Variants in DNAH8 observed in about 807,000 individuals in gnomAD.
DNAH8 encodes the protein axonemal beta dynein heavy chain 8.
A neutral mutation model predicts 562.1 loss-of-function variants in DNAH8; 382 were observed. The ratio of observed to expected loss-of-function variants is 0.68; its 90% CI spans 0.63 to 0.74. DNAH8 has a LOEUF of 0.74. Among genes scored for constraint, DNAH8 ranks in the 30% least tolerant of loss-of-function variants. The pLI is 0.00. For missense variants in DNAH8, 5,203 were observed against 5,620.4 expected (o/e 0.93, Z 2.37); for synonymous variants, 1,881 against 1,919.4 (o/e 0.98, Z 0.52).
At chr6:38,935,755 A>T in intron 77 of DNAH8, 58 bp downstream of exon 77, 2 of 1,274,256 alleles carry the variant, frequency 1.6e-6, no homozygotes, top group Non-Finnish European at 2.2e-6. Context: ...TTTCATTTAC[A>T]CTCTTTTCAA....
At chr6:38,835,300 AC>A (rs1352145518) in intron 32 of DNAH8, among the ~76,000 whole-genome samples, 1 of 135,998 alleles carries the variant, frequency 7.4e-6, no homozygotes, top group African/African-American at 2.8e-5. Context: ...CCCCTTTCCC[AC>A]CTGCATTCTT....
intron 31 of DNAH8, 125 bp downstream of exon 31, chr6:38,832,560 T>A: frequency 1.7e-6 from 1 of 583,964 alleles, no homozygotes; most frequent in Non-Finnish European, 3.0e-6. Context: ...TATTTGCAGC[T>A]ATCAGAAAAA....
intron 85 of DNAH8, among the ~76,000 whole-genome samples, chr6:38,980,881 G>C (rs1022230442): frequency 4.6e-5 from 7 of 151,992 alleles, no homozygotes; most frequent in African/African-American, 1.7e-4. Flanking sequence ...TCAAACCTTT[G>C]AATTTTCTGA....
intron 4 of DNAH8, 62 bp downstream of exon 4, chr6:38,730,048 T>A: frequency 1.3e-6 from 1 of 761,910 alleles, no homozygotes; most frequent in Non-Finnish European, 2.2e-6. Flanking sequence ...GTGCAGCATA[T>A]TTTTTCTCTT....
At chr6:38,750,712 C>G in intron 9 of DNAH8, 123 bp downstream of exon 9, 1 of 496,704 alleles carries the variant, frequency 2.0e-6, no homozygotes, top group East Asian at 3.3e-5. Flanking sequence ...CTGCAGTGAG[C>G]TATGGTTGTG....
At chr6:39,011,160 A>T (rs1273199586) in intron 89 of DNAH8, among the ~76,000 whole-genome samples, 1 of 121,000 alleles carries the variant, frequency 8.3e-6, no homozygotes, top group Non-Finnish European at 1.8e-5. Context: ...CTCACTAGAA[A>T]CAACCCAATT....
chr6:38,842,744 A>T lies in DNAH8; in HGVS notation c.4686A>T (p.Ser1562=). The change falls in exon 35 of 93, where the codon TCA becomes TCT. Residue 1562 remains serine (S), a synonymous_variant. Transcript: ENST00000327475. ...LKKRIDDFSE[S]CPLLEMMTNK... ...AGAGAATTGATGATTTCAGTGAGTC[A>T]TGTCCTCTACTGGAAATGATGACCA... 6.2e-7 allele frequency: 1 copy of T among 1,613,992 alleles called. No homozygotes were observed. Among genetic ancestry groups the T allele is most frequent in the Non-Finnish European group, 8.5e-7 (1 of 1,179,922 alleles).
chr6:39,030,376 T>C lies in DNAH8; in HGVS notation c.14108T>C (p.Leu4703Ser). ...TGGATCCTGAGAGGAGTGGCCCTTTTGTGTGACATCAAGTAAGTTCATTTC... is the reference window on the plus strand; with the variant it reads ...TGGATCCTGAGAGGAGTGGCCCTTTCGTGTGACATCAAGTAAGTTCATTTC... ...DHWILRGVAL[L>S]CDIK Residue 4703 changes from leucine to serine, a missense_variant, in exon 93 of 93, where the codon TTG becomes TCG. By Grantham distance (145) the Leu-to-Ser change is moderately radical. Transcript: ENST00000327475. 3 of 1,613,950 alleles carry C rather than the reference T, an allele frequency of 1.9e-6. No homozygotes were observed. Among genetic ancestry groups the C allele is most frequent in the Non-Finnish European group, 2.5e-6 (3 of 1,179,866 alleles).
chr6:38,730,025 C>A (rs759251439), intron 4 of DNAH8, 39 bp downstream of exon 4: 11 of 946,618 alleles, frequency 1.2e-5, no homozygotes, highest in African/African-American at 1.1e-4. Context: ...GTAATTAGTT[C>A]ATGCACGTTA....
intron 65 of DNAH8, 127 bp downstream of exon 65, chr6:38,909,871 C>T (rs375632611): frequency 2.3e-5 from 19 of 836,570 alleles, no homozygotes; most frequent in Non-Finnish European, 3.5e-5. Context: ...TTAGATCTTT[C>T]TTGCTTTGAT....
Position 38,787,729 on chromosome 6 carries a change from A to G in DNAH8, c.2583+777A>G, listed in dbSNP as rs190282426. Among the ~76,000 whole-genome samples, 56 of 150,752 alleles carry G rather than the reference A, an allele frequency of 3.7e-4. No homozygotes were observed. The East Asian group carries it at 0.011, about 29-fold the overall frequency. On this transcript the variant is annotated intron_variant, in intron 18 of 92. Transcript: ENST00000327475. ...AAAAAAAAAAAAAAAGTGCCATCAA[A>G]GGTTGATGATTGATTCAATCTTTGA...
chr6:38,803,835 G>A (rs1265147558), intron 22 of DNAH8, among the ~76,000 whole-genome samples: 3 of 151,550 alleles, frequency 2.0e-5, no homozygotes, highest in African/African-American at 7.3e-5. Flanking sequence ...TATCTTTGGG[G>A]TTTGGGTACA....
intron 60 of DNAH8, 86 bp from the exon 61 acceptor site, chr6:38,898,172 A>G: frequency 8.3e-7 from 1 of 1,209,724 alleles, no homozygotes; most frequent in Non-Finnish European, 1.1e-6. Flanking sequence ...ATATTTTAAA[A>G]TTACTTTTGA....
chr6:38,896,601 ACAAAC>A (rs1779708716), intron 60 of DNAH8, among the ~76,000 whole-genome samples: 8 of 151,380 alleles, frequency 5.3e-5, no homozygotes, highest in South Asian at 2.1e-4. Context: ...AAACAAACAA[ACAAAC>A]AAAAAAACAA....
At chr6:38,755,403 G>A (rs1167118974) in intron 9 of DNAH8, among the ~76,000 whole-genome samples, 2 of 152,008 alleles carry the variant, frequency 1.3e-5, no homozygotes, top group East Asian at 3.8e-4. Context: ...TGTTTTACTT[G>A]TTTGTGTTTA....
rs1773074751 is a variant in DNAH8 at position 38,823,705 on chromosome 6, T to C, written c.3847+17T>C. The C allele has an allele frequency of 3.2e-6, 5 of 1,570,526 alleles. No individual in the cohort carries two copies. Among genetic ancestry groups the C allele is most frequent in the East Asian group, 2.2e-5 (1 of 44,480 alleles). ...TACATACAGGTATTTTAAAAATGTTTATTATGTAAAGTATCTGTACTTTCA... is the reference window on the plus strand; with the variant it reads ...TACATACAGGTATTTTAAAAATGTTCATTATGTAAAGTATCTGTACTTTCA... On this transcript the variant is annotated intron_variant, in intron 28 of 92. Transcript: ENST00000327475.
intron 70 of DNAH8, among the ~76,000 whole-genome samples, chr6:38,918,519 G>C (rs1185367299): frequency 6.6e-6 from 1 of 152,138 alleles, no homozygotes; most frequent in East Asian, 1.9e-4. Context: ...ACCTAGAAAG[G>C]TTTTAAATTT....
intron 35 of DNAH8, among the ~76,000 whole-genome samples, chr6:38,845,104 G>A (rs906652378): frequency 1.2e-4 from 18 of 151,662 alleles, no homozygotes; most frequent in African/African-American, 3.9e-4. Context: ...AAACCCATAA[G>A]AAAAAAACAA....
chr6:38,875,884 T>C (rs760974103), intron 53 of DNAH8, 56 bp downstream of exon 53: 28 of 1,106,984 alleles, frequency 2.5e-5, no homozygotes, highest in South Asian at 5.4e-5. Context: ...TGAGAAAATA[T>C]AAGCTTTCAT....
Sources: gnomAD v4.1 joint callset for allele counts (sites outside exome capture counted in the v4.1 genomes callset) on GRCh38, gnomAD v4.1.1 for gene constraint, MANE v1.5 for transcripts, NCBI Gene and HGNC (gene_info 2026-07-23, HGNC 2026-07-21) for gene names.